Variants in XPO7 observed in about 807,000 individuals in gnomAD.
XPO7 encodes exportin-7.
Under a neutral mutation model 144.3 loss-of-function variants are expected in XPO7, and 21 were observed. That is an observed-to-expected ratio of 0.15 (90% confidence interval 0.10 to 0.21). The LOEUF is 0.21. XPO7 is among the 10% of genes least tolerant of loss of function. The pLI is 1.00. For synonymous variants in XPO7, 580 were observed against 499.6 expected (o/e 1.16, Z -2.15); for missense variants, 808 against 1,325.8 (o/e 0.61, Z 6.06).
At chr8:21,948,843 T>G (rs1811275095) in intron 1 of XPO7, among the ~76,000 whole-genome samples, 1 of 152,216 alleles carries the variant, frequency 6.6e-6, no homozygotes, top group Non-Finnish European at 1.5e-5. Flanking sequence ...TGACACATTC[T>G]CAGACTAGAT....
At chr8:21,995,060 AAATAAATAAT>A (rs1319926802) in intron 20 of XPO7, among the ~76,000 whole-genome samples, 109 of 141,612 alleles carry the variant, frequency 7.7e-4, no homozygotes, top group African/African-American at 3.1e-3. Context: ...TCTCAAAAAA[AAATAAATAAT>A]AATAATAATA....
At chr8:21,927,061 T>A (rs1216136599) in intron 1 of XPO7, among the ~76,000 whole-genome samples, 1 of 152,122 alleles carries the variant, frequency 6.6e-6, no homozygotes, top group Non-Finnish European at 1.5e-5. Flanking sequence ...AAATTGTTTT[T>A]AGGTGAATTG....
chr8:21,988,903 G>A, intron 15 of XPO7, 100 bp from the exon 16 acceptor site: 1 of 1,010,248 alleles, frequency 9.9e-7, no homozygotes, highest in Non-Finnish European at 1.5e-6. Flanking sequence ...GTGCAGATGT[G>A]TGGTGACTTT....
intron 1 of XPO7, among the ~76,000 whole-genome samples, chr8:21,926,798 A>G (rs915244499): frequency 3.3e-4 from 51 of 152,298 alleles, no homozygotes; most frequent in African/African-American, 1.1e-3. Flanking sequence ...ATTTTGCCCA[A>G]TATATAGCCA....
intron 17 of XPO7, 40 bp downstream of exon 17, chr8:21,990,447 C>G (rs1028604224): frequency 5.6e-6 from 9 of 1,603,824 alleles, no homozygotes; most frequent in Non-Finnish European, 7.7e-6. Flanking sequence ...CTCCTACCAC[C>G]CACACATACA....
intron 4 of XPO7, among the ~76,000 whole-genome samples, chr8:21,971,195 A>G (rs1008609049): frequency 2.0e-5 from 3 of 152,186 alleles, no homozygotes; most frequent in African/African-American, 7.2e-5. Flanking sequence ...TGTGTAGTAG[A>G]CTGTACCATC....
chr8:21,993,422 G>A (rs565876834), intron 19 of XPO7, among the ~76,000 whole-genome samples: 82 of 152,284 alleles, frequency 5.4e-4, no homozygotes, highest in Admixed American at 9.8e-4. Context: ...CAGAAGTGAT[G>A]TCGTTTTTGC....
intron 5 of XPO7, among the ~76,000 whole-genome samples, chr8:21,973,674 T>C (rs1029150141): frequency 1.3e-5 from 2 of 152,232 alleles, no homozygotes; most frequent in African/African-American, 4.8e-5. Flanking sequence ...CTTGGATGAA[T>C]TGATCAGTAA....
intron 13 of XPO7, 26 bp downstream of exon 13, chr8:21,985,717 C>T (rs771076328): frequency 2.5e-6 from 4 of 1,602,840 alleles, no homozygotes; most frequent in East Asian, 2.2e-5. Context: ...AGAAGCTCTC[C>T]ACTCTGCCTT....
intron 24 of XPO7, among the ~76,000 whole-genome samples, chr8:22,001,336 A>G (rs1813138601): frequency 6.6e-6 from 1 of 151,926 alleles, no homozygotes; most frequent in Non-Finnish European, 1.5e-5. Flanking sequence ...AGAAAAAGCA[A>G]GTAGAGGGAC....
chr8:21,929,232 C>T (rs548176196), intron 1 of XPO7, among the ~76,000 whole-genome samples: 3 of 152,278 alleles, frequency 2.0e-5, no homozygotes, highest in Non-Finnish European at 2.9e-5. Flanking sequence ...ATAAACTTGC[C>T]GCTGAACCAA....
Position 21,987,816 on chromosome 8 carries a change from G to C in XPO7, c.1746G>C (p.Leu582Phe). The C allele has an allele frequency of 6.2e-7, 1 of 1,613,948 alleles. No homozygotes were observed. Among genetic ancestry groups the C allele is most frequent in the South Asian group, 1.1e-5 (1 of 91,072 alleles). ...GCCGACTCTCAGAAGTTCTGGGCTT[G>C]AATGATGAGACCATGGTCCTAAGCG... is the stretch of plus-strand genomic sequence containing the variant. The part of the protein sequence containing the change: ...LYRRLSEVLG[L>F]NDETMVLSVF... The change falls in exon 15 of 28, where the codon TTG becomes TTC. Residue 582 changes from leucine (L) to phenylalanine (F), a missense_variant. Leu to Phe is a conservative substitution (Grantham distance 22). Around this residue, in one of 5 missense-constraint regions of XPO7, gnomAD observed 416 missense variants for 612.5 expected, o/e 0.68. Transcript: ENST00000252512.
intron 1 of XPO7, among the ~76,000 whole-genome samples, chr8:21,945,357 G>A (rs1275468030): frequency 6.6e-6 from 1 of 152,196 alleles, no homozygotes; most frequent in South Asian, 2.1e-4. Flanking sequence ...CATAGACAGA[G>A]GGGGTAGATT....
chr8:21,963,626 C>T (rs1443119665), intron 1 of XPO7, among the ~76,000 whole-genome samples: 1 of 150,660 alleles, frequency 6.6e-6, no homozygotes, highest in Non-Finnish European at 1.5e-5. Flanking sequence ...ACCCAGGAGG[C>T]GGAGGTTACA....
At chr8:21,955,892 C>T (rs1472873880) in intron 1 of XPO7, among the ~76,000 whole-genome samples, 1 of 151,920 alleles carries the variant, frequency 6.6e-6, no homozygotes. Context: ...CCGTGCCTGG[C>T]TAATTTTTGT....
chr8:21,987,726 A>G (rs918550072), intron 14 of XPO7, 58 bp from the exon 15 acceptor site: 2 of 1,589,504 alleles, frequency 1.3e-6, no homozygotes, highest in African/African-American at 2.7e-5. Context: ...CAAAAATAGT[A>G]CCAGGATGTG....
chr8:21,948,303 A>C (rs1811257694), intron 1 of XPO7, among the ~76,000 whole-genome samples: 1 of 152,226 alleles, frequency 6.6e-6, no homozygotes, highest in Non-Finnish European at 1.5e-5. Flanking sequence ...ACAACATATT[A>C]CTTTAAACAT....
chr8:21,972,003 T>G (rs373345039), intron 5 of XPO7, 62 bp downstream of exon 5: 24 of 1,515,758 alleles, frequency 1.6e-5, no homozygotes, highest in Non-Finnish European at 2.0e-5. Flanking sequence ...ATTGGTGTTT[T>G]CTGCTGTGTG....
chr8:21,944,899 A>G (rs927010252), intron 1 of XPO7, among the ~76,000 whole-genome samples: 1 of 152,344 alleles, frequency 6.6e-6, no homozygotes, highest in East Asian at 1.9e-4. Context: ...GACACAGCAC[A>G]TGTTTCAGAG....
Sources: allele counts gnomAD v4.1 joint callset (sites outside exome capture counted in the v4.1 genomes callset), GRCh38; gene constraint gnomAD v4.1.1; regional missense constraint gnomAD v4.1.1; transcripts MANE v1.5; gene names NCBI Gene and HGNC (gene_info 2026-07-23, HGNC 2026-07-21).